The following ITGAD variants were observed in gnomAD, a reference collection of about 807,000 sequenced individuals.
ITGAD encodes the protein integrin alpha-D.
Under a neutral mutation model 139.0 loss-of-function variants are expected in ITGAD, and 105 were observed. That is an observed-to-expected ratio of 0.76 (90% CI 0.65 to 0.89). The LOEUF (loss-of-function observed/expected upper bound fraction) is 0.89, where lower values mean the gene tolerates loss of function less well. Among genes scored for constraint, ITGAD ranks in the 40% least tolerant of loss-of-function variants. The pLI is 0.00. For missense variants in ITGAD, 1,384 were observed against 1,487.3 expected (o/e 0.93, Z 1.14); for synonymous variants, 569 against 598.3 (o/e 0.95, Z 0.71).
In ITGAD at chr16:31,397,391, C is replaced by T. The variant is rs962883864; in HGVS notation, c.170C>T (p.Ala57Val). 1.1e-5 allele frequency: 18 copies of T among 1,603,168 alleles called. No homozygotes were observed. Among genetic ancestry groups the T allele is most frequent in the East Asian group, 4.5e-5 (2 of 44,342 alleles). Residue 57 changes from alanine (A) to valine (V), a missense_variant, in exon 3 of 30, where the codon GCG becomes GTG. By Grantham distance (64) the Ala-to-Val change is moderately conservative (BLOSUM62 0). Coordinates refer to ENST00000389202, the MANE Select transcript of ITGAD (RefSeq NM_005353.3). ...GTGGGAGCACCCCTGGAGGTGGTGGCGGCCAACCAGACGGGACGGCTGTAT... is the reference window on the plus strand; with the variant it reads ...GTGGGAGCACCCCTGGAGGTGGTGGTGGCCAACCAGACGGGACGGCTGTAT... ...LVVGAPLEVV[A>V]ANQTGRLYDC... is the part of the protein sequence containing the mutation.
intron 29 of ITGAD, among the ~76,000 whole-genome samples, chr16:31,425,566 A>T (rs1457264568): frequency 6.6e-6 from 1 of 152,140 alleles, no homozygotes; most frequent in East Asian, 1.9e-4. Context: ...CTCGCACACA[A>T]ACGTAAGTTA....
At chr16:31,412,719 T>C in intron 14 of ITGAD, 119 bp from the exon 15 acceptor site, 1 of 1,286,764 alleles carries the variant, frequency 7.8e-7, no homozygotes, top group African/African-American at 1.5e-5. Flanking sequence ...GTGACATCTG[T>C]TCACAGCTCA....
intron 1 of ITGAD, 86 bp downstream of exon 1, chr16:31,393,477 G>T (rs1469894666): frequency 2.1e-6 from 3 of 1,426,868 alleles, no homozygotes; most frequent in Non-Finnish European, 3.0e-6. Context: ...GCTGGTGGTC[G>T]GCTCCAACCA....
Position 31,424,187 on chromosome 16 carries a change from C to T in ITGAD, c.3245C>T (p.Ala1082Val). ...SVYSQLPGQE[A>V]FMRAQMEMVL... The stretch of plus-strand genomic sequence containing the variant: ...TACTCCCAGCTTCCAGGACAGGAGG[C>T]ATTTATGAGAGCTCAGGTAGAGACC... Residue 1082 changes from alanine to valine, a missense_variant, in exon 28 of 30, where the codon GCA becomes GTA. By Grantham distance (64) the Ala-to-Val change is moderately conservative. Transcript: ENST00000389202. 6.2e-7 allele frequency: 1 copy of T among 1,614,184 alleles called. No homozygotes were observed. Among genetic ancestry groups the T allele is most frequent in the Non-Finnish European group, 8.5e-7 (1 of 1,180,042 alleles).
intron 5 of ITGAD, among the ~76,000 whole-genome samples, chr16:31,400,495 C>T (rs1183600508): frequency 6.6e-6 from 1 of 152,188 alleles, no homozygotes; most frequent in Non-Finnish European, 1.5e-5. Context: ...GAACACAGGC[C>T]ACACACCCCC....
At chr16:31,416,332 C>A (rs770325351) in intron 19 of ITGAD, 46 bp downstream of exon 19, 10 of 1,516,262 alleles carry the variant, frequency 6.6e-6, no homozygotes, top group South Asian at 1.1e-5. Flanking sequence ...GCTTCTGAGT[C>A]CCCCATCCTC....
rs751816095 is a variant in ITGAD, at chr16:31,424,114, A to G, written c.3172A>G (p.Lys1058Glu). ...AACCCCTTTGCAGACATTGCAGAAG[A>G]AGGTGTTGGTCGTGAGTGTGGCTGA... ...FGWVRETLQK[K>E]VLVVSVAEIT... The change falls in exon 28 of 30, where the codon AAG becomes GAG. Residue 1058 changes from lysine (K) to glutamate (E), a missense_variant. Physicochemically the swap from Lys to Glu is moderately conservative, Grantham distance 56. Coordinates refer to ENST00000389202, the MANE Select transcript of ITGAD (RefSeq NM_005353.3). 6.2e-7 allele frequency: 1 copy of G among 1,614,216 alleles called. No individual in the cohort carries two copies. The highest frequency in any genetic ancestry group is 8.5e-7 in the Non-Finnish European group (1 of 1,180,028).
intron 29 of ITGAD, among the ~76,000 whole-genome samples, chr16:31,425,142 G>A (rs2142865795): frequency 6.6e-6 from 1 of 152,200 alleles, no homozygotes; most frequent in South Asian, 2.1e-4. Context: ...CACAATCTCA[G>A]CTCACTGCAA....
At chr16:31,408,890 C>T (rs1027822528) in intron 10 of ITGAD, among the ~76,000 whole-genome samples, 3 of 152,188 alleles carry the variant, frequency 2.0e-5, no homozygotes, top group South Asian at 2.1e-4. Context: ...GGGAGAGATC[C>T]GGGCTTGCCA....
chr16:31,423,259 A>G, intron 24 of ITGAD, 67 bp downstream of exon 24: 1 of 1,587,400 alleles, frequency 6.3e-7, no homozygotes, highest in East Asian at 2.2e-5. Context: ...TTGGTGGAGA[A>G]GATGGAGAGG....
chr16:31,410,914 G>C (rs376359530), intron 12 of ITGAD, 36 bp downstream of exon 12: 91 of 1,607,464 alleles, frequency 5.7e-5, no homozygotes, highest in Non-Finnish European at 7.4e-5. Context: ...GAGGATGAGG[G>C]TGGGGAGGAT....
intron 5 of ITGAD, among the ~76,000 whole-genome samples, chr16:31,398,658 T>C (rs1025193091): frequency 7.3e-5 from 11 of 151,582 alleles, no homozygotes; most frequent in African/African-American, 2.7e-4. Context: ...TTAAAAAAAA[T>C]GTTTTTGTAG....
At chr16:31,424,274 G>A (rs763687195) in intron 28 of ITGAD, 71 bp downstream of exon 28, 11 of 1,575,942 alleles carry the variant, frequency 7.0e-6, no homozygotes, top group Admixed American at 1.7e-5. Context: ...GGTGCTGGGT[G>A]GGGGGTTTGC....
intron 8 of ITGAD, 41 bp from the exon 9 acceptor site, chr16:31,407,725 T>C: frequency 6.2e-7 from 1 of 1,613,428 alleles, no homozygotes; most frequent in Non-Finnish European, 8.5e-7. Flanking sequence ...TCAGGTGCAG[T>C]GCTGCTGGGC....
chr16:31,407,967 G>T (rs1476642630), intron 9 of ITGAD, 51 bp downstream of exon 9: 7 of 1,506,062 alleles, frequency 4.6e-6, no homozygotes, highest in Non-Finnish European at 5.3e-6. Flanking sequence ...CCACCCAATT[G>T]TCCCGTGCAG....
chr16:31,407,217 G>C, intron 7 of ITGAD, among the ~76,000 whole-genome samples: 1 of 152,146 alleles, frequency 6.6e-6, no homozygotes, highest in South Asian at 2.1e-4. Flanking sequence ...AGCCAGTCAT[G>C]GTGGTGGGCA....
chr16:31,420,889 T>A (rs1036213666), intron 23 of ITGAD, among the ~76,000 whole-genome samples: 1 of 152,102 alleles, frequency 6.6e-6, no homozygotes, highest in African/African-American at 2.4e-5. Context: ...CTGTTGCTTC[T>A]GATGTATTAA....
At position 31,416,714 on chromosome 16, in the gene ITGAD, A is replaced by G. The variant is rs1443070753; in HGVS notation, c.2499+68A>G. The G allele has an allele frequency of 8.7e-6, 13 of 1,490,012 alleles. No individual in the cohort carries two copies. The African/African-American group carries it at 1.8e-4, about 21-fold the overall frequency. The allele number at this position is 1,490,012 out of a possible 1,614,324, so 92.3% of individuals were successfully genotyped here. A position where few individuals can be genotyped will look rare whatever the true frequency, so the allele number is the denominator to read the frequency against. Reference sequence around the variant, plus strand: ...TGCCCTGTAGCCCCGGGAGTTACACAGTGTTCTTCAAAATTGTTCTGTGAT... The same window carrying G: ...TGCCCTGTAGCCCCGGGAGTTACACGGTGTTCTTCAAAATTGTTCTGTGAT... On this transcript the variant is annotated intron_variant, in intron 20 of 29. Coordinates refer to ENST00000389202, the MANE Select transcript of ITGAD (RefSeq NM_005353.3).
At chr16:31,415,294 A>T (rs887784088) in intron 18 of ITGAD, among the ~76,000 whole-genome samples, 1 of 152,044 alleles carries the variant, frequency 6.6e-6, no homozygotes, top group Non-Finnish European at 1.5e-5. Context: ...CCCATTTTCC[A>T]TAGAGGAGCT....
Sources: gnomAD v4.1 joint callset for allele counts (sites outside exome capture counted in the v4.1 genomes callset) on GRCh38, gnomAD v4.1.1 for gene constraint, MANE v1.5 for transcripts, NCBI Gene and HGNC (gene_info 2026-07-23, HGNC 2026-07-21) for gene names.